The following JHY variants were observed in gnomAD, a reference collection of about 807,000 sequenced individuals.
The protein encoded by JHY is junctional cadherin complex regulator, also known as jhy protein homolog.
JHY carries 69 observed loss-of-function variants against 78.0 expected under a neutral mutation model. That is an observed-to-expected ratio of 0.88 (90% CI 0.73 to 1.08). The LOEUF is 1.08. JHY is among the 50% of genes least tolerant of loss of function. JHY has a pLI of 0.00. For missense variants in JHY, 944 were observed against 927.8 expected (o/e 1.02, Z -0.23); for synonymous variants, 368 against 342.6 (o/e 1.07, Z -0.82).
intron 2 of JHY, among the ~76,000 whole-genome samples, chr11:122,900,377 A>G (rs1862825285): frequency 6.6e-6 from 1 of 152,174 alleles, no homozygotes; most frequent in South Asian, 2.1e-4. Context: ...GGAATATCAA[A>G]TAGCATAAAA....
Position 122,904,449 on chromosome 11 carries a change from G to A in JHY, c.864+5G>A, listed in dbSNP as rs762339764. 3.8e-6 allele frequency: 6 copies of A among 1,596,860 alleles called. No homozygotes were observed. The Admixed American group carries it at 5.3e-5, about 14-fold the overall frequency. On this transcript the variant is annotated splice_donor_5th_base_variant and intron_variant, in intron 3 of 8. Coordinates refer to ENST00000227349, the MANE Select transcript of JHY (RefSeq NM_024806.4). ...GGGGAATCTCATCCAGAACAGGTACGTAGTGGCTACTTTAAAATGTCTTCT... is the reference window on the plus strand; with the variant it reads ...GGGGAATCTCATCCAGAACAGGTACATAGTGGCTACTTTAAAATGTCTTCT...
chr11:122,913,480 T>C (rs1270471460), intron 3 of JHY, among the ~76,000 whole-genome samples: 1 of 152,184 alleles, frequency 6.6e-6, no homozygotes, highest in East Asian at 1.9e-4. Context: ...ACCTGGCTCC[T>C]TCCTGCTCCT....
At chr11:122,933,909 C>G (rs564058320) in intron 4 of JHY, among the ~76,000 whole-genome samples, 8 of 152,190 alleles carry the variant, frequency 5.3e-5, no homozygotes, top group African/African-American at 7.2e-5. Context: ...CTCCGTATCT[C>G]TCGAAGTAAA....
Position 122,914,230 on chromosome 11 carries a change from G to A in JHY, c.864+9786G>A, listed in dbSNP as rs377171373. Among the ~76,000 whole-genome samples, 29 of 152,154 alleles carry A rather than the reference G, an allele frequency of 1.9e-4. No individual in the cohort carries two copies. In the South Asian group the frequency reaches 4.8e-3, roughly 25 times the overall value. On this transcript the variant is annotated intron_variant, in intron 3 of 8. Coordinates refer to ENST00000227349, the MANE Select transcript of JHY (RefSeq NM_024806.4). ...TATTGAATGTTTGGTTTAAATTTAC[G>A]TCTCCTAATGTGGAAGGTTGCCACC... is the stretch of plus-strand genomic sequence containing the variant.
chr11:122,892,106 G>A (rs1862628766), intron 2 of JHY, among the ~76,000 whole-genome samples: 1 of 152,090 alleles, frequency 6.6e-6, no homozygotes, highest in Admixed American at 6.6e-5. Flanking sequence ...TTCAGCACTT[G>A]TCCTGGGAAA....
intron 2 of JHY, among the ~76,000 whole-genome samples, chr11:122,900,388 A>T (rs1473642726): frequency 6.6e-6 from 1 of 152,124 alleles, no homozygotes; most frequent in Non-Finnish European, 1.5e-5. Context: ...TAGCATAAAA[A>T]GCCCGGGTGA....
intron 3 of JHY, among the ~76,000 whole-genome samples, chr11:122,913,898 C>T (rs1262492536): frequency 1.3e-5 from 2 of 152,084 alleles, no homozygotes; most frequent in African/African-American, 4.8e-5. Context: ...AAATACTTTT[C>T]CTTTGGTTCA....
rs574812908 is a variant in JHY at position 122,950,189 on chromosome 11, A to G, written c.1929+3397A>G. Among the ~76,000 whole-genome samples the G allele has an allele frequency of 2.7e-4, 41 of 152,226 alleles. No homozygotes were observed. In the East Asian group the frequency reaches 4.6e-3, roughly 17 times the overall value. On this transcript the variant is annotated intron_variant, in intron 6 of 8. Transcript: ENST00000227349. The stretch of plus-strand genomic sequence containing the variant: ...TCTTTTTCCACAGAAACATCATTAC[A>G]TGGTAGTTAGGCTGTAAGGTACTAT...
intron 5 of JHY, among the ~76,000 whole-genome samples, 184 bp from the exon 6 acceptor site, chr11:122,946,314 A>G (rs1863956658): frequency 6.6e-6 from 1 of 152,238 alleles, no homozygotes. Flanking sequence ...CCTAAAGGAA[A>G]AAGAGGAGGA....
chr11:122,920,352 A>G (rs1863335261), intron 3 of JHY, among the ~76,000 whole-genome samples: 1 of 152,226 alleles, frequency 6.6e-6, no homozygotes, highest in Admixed American at 6.5e-5. Flanking sequence ...CTATCAAAGA[A>G]TGAGAGTAAC....
chr11:122,960,585 T>G lies in JHY; in HGVS notation c.*1140T>G, dbSNP rs889748746. 2 of 265,764 alleles carry G rather than the reference T, an allele frequency of 7.5e-6. No homozygotes were observed. Among genetic ancestry groups the G allele is most frequent in the Non-Finnish European group, 1.5e-5 (2 of 129,326 alleles). The allele number at this position is 265,764 out of a possible 1,614,324, so 16.5% of individuals were successfully genotyped here. Reference sequence around the variant, plus strand: ...CTATGTGCTCCAAACTGGGCTTATCTTGTATGCTTTATCCAAAGAAATATA... The same window carrying G: ...CTATGTGCTCCAAACTGGGCTTATCGTGTATGCTTTATCCAAAGAAATATA... On this transcript the variant is annotated 3_prime_UTR_variant, in exon 9 of 9. Coordinates refer to ENST00000227349, the MANE Select transcript of JHY (RefSeq NM_024806.4).
intron 5 of JHY, among the ~76,000 whole-genome samples, chr11:122,944,660 A>C (rs1007091650): frequency 6.6e-6 from 1 of 152,180 alleles, no homozygotes; most frequent in Non-Finnish European, 1.5e-5. Context: ...TCTCTGCCTC[A>C]CATCCTTTCT....
At chr11:122,891,423 A>C (rs1862611631) in intron 2 of JHY, among the ~76,000 whole-genome samples, 1 of 152,156 alleles carries the variant, frequency 6.6e-6, no homozygotes, top group East Asian at 1.9e-4. Context: ...TGAAGAGTGG[A>C]GAGGGGATCT....
intron 3 of JHY, among the ~76,000 whole-genome samples, chr11:122,914,352 T>A (rs1442386521): frequency 6.6e-6 from 1 of 152,198 alleles, no homozygotes; most frequent in African/African-American, 2.4e-5. Context: ...TATGGTCATT[T>A]TTTTGTAATT....
chr11:122,956,163 A>AT (rs1401012580), intron 6 of JHY, among the ~76,000 whole-genome samples: 1 of 151,930 alleles, frequency 6.6e-6, no homozygotes, highest in African/African-American at 2.4e-5. Flanking sequence ...CTCCAAAAAA[A>AT]AAAAAATAAA....
chr11:122,915,973 TAAATC>T (rs1415995078), intron 3 of JHY, among the ~76,000 whole-genome samples: 6 of 151,196 alleles, frequency 4.0e-5, no homozygotes, highest in African/African-American at 7.3e-5. Context: ...GTTGGTCAAT[TAAATC>T]AAAGATTTCA....
At position 122,934,632 on chromosome 11, in the gene JHY, G is replaced by A. The variant is rs1863710742; in HGVS notation, c.1191G>A (p.Gln397=). 1.2e-6 allele frequency: 2 copies of A among 1,613,998 alleles called. No individual in the cohort carries two copies. The highest frequency in any genetic ancestry group is 1.7e-5 in the Admixed American group (1 of 59,998). ...SQGNQNNPPR[Q]QQNQNKPLDT... ...GGAACCAGAATAACCCTCCCAGGCA[G>A]CAACAAAACCAAAATAAGCCTCTTG... is the stretch of plus-strand genomic sequence containing the variant. The change falls in exon 5 of 9, where the codon CAG becomes CAA. Residue 397 remains glutamine, a synonymous_variant. Transcript: ENST00000227349.
At position 122,959,541 on chromosome 11, in the gene JHY, A is replaced by G. The variant is rs1400231176; in HGVS notation, c.*96A>G. ...TTCTCTGCGTTGAGAGTAATGGCCT[A>G]TTATTATCATCTATCTGCCGTCCAT... On this transcript the variant is annotated 3_prime_UTR_variant, in exon 9 of 9. Transcript: ENST00000227349. The G allele has an allele frequency of 2.0e-5, 23 of 1,163,526 alleles. 1 individual carries two copies. The South Asian group carries it at 3.0e-4, about 15-fold the overall frequency. 72.1% of individuals were successfully genotyped at this position (1,163,526 alleles called of 1,614,324 possible).
chr11:122,905,304 G>A, intron 3 of JHY: 1 of 1,605,042 alleles, frequency 6.2e-7, no homozygotes, highest in Non-Finnish European at 8.5e-7. Flanking sequence ...AGGGATACAG[G>A]ACAAGAGTGG....
Sources: allele counts gnomAD v4.1 joint callset (sites outside exome capture counted in the v4.1 genomes callset), GRCh38; gene constraint gnomAD v4.1.1; transcripts MANE v1.5; gene names NCBI Gene and HGNC (gene_info 2026-07-23, HGNC 2026-07-21).